OSBP: variants seen among roughly 807,000 people sequenced by gnomAD.
OSBP encodes the protein oxysterol-binding protein 1.
Under a neutral mutation model 96.6 loss-of-function variants are expected in OSBP, and 32 were observed. The observed-to-expected ratio is 0.33, with a 90% CI of 0.25 to 0.45. The LOEUF is 0.45. Among genes scored for constraint, OSBP ranks in the 20% least tolerant of loss-of-function variants. The probability of loss-of-function intolerance (pLI) is 1.00; values close to 1 mark genes in which losing one functional copy is unlikely to be tolerated. For synonymous variants in OSBP, 369 were observed against 389.6 expected, an observed-to-expected ratio of 0.95 and a Z score of 0.62; for missense variants, 653 against 1,029.7, an observed-to-expected ratio of 0.63 and a Z score of 5.01.
At chr11:59,601,115 C>CAAAAAAAA (rs11405726) in intron 5 of OSBP, among the ~76,000 whole-genome samples, 168 bp downstream of exon 5, 2 of 113,860 alleles carry the variant, frequency 1.8e-5, no homozygotes, top group South Asian at 3.2e-4. Flanking sequence ...GATCTTGAGA[C>CAAAAAAAA]AAAAAAAAAA....
chr11:59,603,529 GTTTTTTTTTT>G (rs370609645), intron 3 of OSBP, among the ~76,000 whole-genome samples: 1 of 86,764 alleles, frequency 1.2e-5, no homozygotes, highest in Non-Finnish European at 2.2e-5. Flanking sequence ...ATCACCTTCA[GTTTTTTTTTT>G]TTTTTTTTTT....
At chr11:59,592,677 A>C (rs1366889794) in intron 9 of OSBP, among the ~76,000 whole-genome samples, 1 of 152,236 alleles carries the variant, frequency 6.6e-6, no homozygotes. Flanking sequence ...CTTTTTGAAT[A>C]ACTGGATTTC....
At chr11:59,611,454 C>A (rs776699078) in intron 1 of OSBP, among the ~76,000 whole-genome samples, 1 of 152,096 alleles carries the variant, frequency 6.6e-6, no homozygotes, top group East Asian at 1.9e-4. Context: ...ATCTCGCTCC[C>A]GACTGTAACT....
At chr11:59,589,613 T>A (rs1017928042) in intron 9 of OSBP, among the ~76,000 whole-genome samples, 10 of 151,362 alleles carry the variant, frequency 6.6e-5, no homozygotes, top group African/African-American at 9.7e-5. Flanking sequence ...AAAAAATAAA[T>A]AAATAAATAA....
intron 12 of OSBP, 29 bp from the exon 13 acceptor site, chr11:59,577,054 G>A: frequency 5.7e-6 from 9 of 1,582,834 alleles, no homozygotes; most frequent in Non-Finnish European, 7.8e-6. Flanking sequence ...AAAAAGAAAT[G>A]GTAATCCCAG....
intron 9 of OSBP, among the ~76,000 whole-genome samples, chr11:59,591,368 C>A (rs1303259879): frequency 6.6e-6 from 1 of 152,028 alleles, no homozygotes; most frequent in Non-Finnish European, 1.5e-5. Flanking sequence ...TAGATGAATA[C>A]TCTTCCTTTG....
intron 2 of OSBP, 84 bp from the exon 3 acceptor site, chr11:59,608,818 C>A: frequency 7.6e-7 from 1 of 1,320,704 alleles, no homozygotes; most frequent in East Asian, 2.3e-5. Context: ...AGAAACAAAC[C>A]AACATTCCTC....
At position 59,608,637 on chromosome 11, in the gene OSBP, C is replaced by T. The variant is rs1424757184; in HGVS notation, c.669G>A (p.Thr223=). The T allele has an allele frequency of 4.3e-6, 7 of 1,614,108 alleles. No individual in the cohort carries two copies. In the East Asian group the frequency reaches 6.7e-5, roughly 15 times the overall value. ...TLSSKVEDLS[T]CNDLIAKHGT... Reference sequence around the variant, plus strand: ...CATGCTTAGCTATCAAGTCATTGCACGTGCTCAAGTCCTCTACTTTGCTAG... The same window carrying T: ...CATGCTTAGCTATCAAGTCATTGCATGTGCTCAAGTCCTCTACTTTGCTAG... The change falls in exon 3 of 14, where the codon ACG becomes ACA. Residue 223 remains threonine (T), a synonymous_variant. Transcript: ENST00000263847.
At chr11:59,599,945 G>A (rs1371255166) in intron 7 of OSBP, among the ~76,000 whole-genome samples, 1 of 152,160 alleles carries the variant, frequency 6.6e-6, no homozygotes, top group African/African-American at 2.4e-5. Context: ...GGACTGACAT[G>A]ACTACATTTG....
chr11:59,585,324 C>T (rs1409350848), intron 9 of OSBP, among the ~76,000 whole-genome samples: 23 of 151,400 alleles, frequency 1.5e-4, no homozygotes, highest in Non-Finnish European at 2.9e-4. Flanking sequence ...TCTGCCCGGC[C>T]GCGACCCCGT....
At position 59,606,752 on chromosome 11, in the gene OSBP, G is replaced by A. The variant is rs138285462; in HGVS notation, c.822+1732C>T. Among the ~76,000 whole-genome samples the A allele has an allele frequency of 1.0e-3, 153 of 152,316 alleles. 1 individual carries two copies. Among genetic ancestry groups the A allele is most frequent in the African/African-American group, 3.0e-3 (126 of 41,564 alleles). Reference sequence around the variant, plus strand: ...TTTGATATAACTTTGCCCGTTTAGAGCTGTGATGCTCTAGCATGTTAATTT... The same window carrying A: ...TTTGATATAACTTTGCCCGTTTAGAACTGTGATGCTCTAGCATGTTAATTT... On this transcript the variant is annotated intron_variant, in intron 3 of 13. Coordinates refer to ENST00000263847, the MANE Select transcript of OSBP (RefSeq NM_002556.3).
intron 11 of OSBP, among the ~76,000 whole-genome samples, chr11:59,578,941 CTT>C (rs1480859442): frequency 6.6e-6 from 1 of 152,092 alleles, no homozygotes; most frequent in African/African-American, 2.4e-5. Flanking sequence ...CAATTATACT[CTT>C]TTAGTTATTT....
chr11:59,584,969 G>T (rs565788450), intron 9 of OSBP, among the ~76,000 whole-genome samples: 1 of 152,298 alleles, frequency 6.6e-6, no homozygotes, highest in African/African-American at 2.4e-5. Context: ...GTGCAGTGGC[G>T]TGATCTCGGC....
intron 12 of OSBP, 66 bp downstream of exon 12, chr11:59,578,083 G>A: frequency 6.9e-7 from 1 of 1,457,276 alleles, no homozygotes; most frequent in Non-Finnish European, 9.6e-7. Flanking sequence ...AGGCAGAAAT[G>A]CCTTCAATAT....
chr11:59,603,965 A>T (rs1368687540), intron 3 of OSBP, among the ~76,000 whole-genome samples: 1 of 152,036 alleles, frequency 6.6e-6, no homozygotes, highest in East Asian at 1.9e-4. Context: ...ATCAAGTCCT[A>T]TTGATTCTTC....
Position 59,578,176 on chromosome 11 carries a change from A to G in OSBP, c.2033T>C (p.Val678Ala). ...QRGHEAEESR[V>A]MLWKRNPLPK... ...TAAAGGATTCCTTTTCCACAGCATG[A>G]CCCTGCTTTCCTCTGCTTCATGGCC... Residue 678 changes from valine (V) to alanine (A), a missense_variant, in exon 12 of 14, where the codon GTC (valine) becomes GCC (alanine). Val to Ala is a moderately conservative substitution (Grantham distance 64). This residue lies in a region of OSBP where 169 missense variants were observed against 251.5 expected (regional missense o/e 0.67). Transcript: ENST00000263847. 1 of 1,614,108 alleles carries G rather than the reference A, an allele frequency of 6.2e-7. No homozygotes were observed. The highest frequency in any genetic ancestry group is 8.5e-7 in the Non-Finnish European group (1 of 1,180,014).
intron 7 of OSBP, among the ~76,000 whole-genome samples, chr11:59,596,724 A>C (rs1334022282): frequency 6.6e-6 from 1 of 152,136 alleles, no homozygotes; most frequent in Non-Finnish European, 1.5e-5. Context: ...GGAGAATGTA[A>C]AACATCAAGG....
chr11:59,608,079 A>G (rs1260917923), intron 3 of OSBP, among the ~76,000 whole-genome samples: 1 of 152,206 alleles, frequency 6.6e-6, no homozygotes, highest in African/African-American at 2.4e-5. Context: ...GAAGGGACTC[A>G]GGGAGATCTT....
Position 59,578,282 on chromosome 11 carries a change from G to A in OSBP, c.1927C>T (p.Leu643=), listed in dbSNP as rs1860382888. Residue 643 remains leucine, a synonymous_variant, in exon 12 of 14, where the codon CTG becomes TTG. Transcript: ENST00000263847. The part of the protein sequence containing the change: ...DPSGKVHFAL[L]GTWDEKMECF... ...TCCATTTTCTCATCCCACGTCCCCA[G>A]AAGAGCAAAGTGGACTTTTCCTGAT... The A allele has an allele frequency of 1.9e-6, 3 of 1,614,182 alleles. No homozygotes were observed. Among genetic ancestry groups the A allele is most frequent in the Non-Finnish European group, 2.5e-6 (3 of 1,180,026 alleles).
Sources: gnomAD v4.1 joint callset for allele counts (sites outside exome capture counted in the v4.1 genomes callset) on GRCh38, gnomAD v4.1.1 for gene constraint, gnomAD v4.1.1 regional missense constraint, MANE v1.5 for transcripts, NCBI Gene and HGNC (gene_info 2026-07-23, HGNC 2026-07-21) for gene names.